The following MIPOL1 variants were observed in gnomAD, a reference collection of about 807,000 sequenced individuals.
MIPOL1 encodes the protein mirror-image polydactyly gene 1 protein.
A neutral mutation model predicts 60.9 loss-of-function variants in MIPOL1; 57 were observed. The observed-to-expected ratio is 0.94, with a 90% CI of 0.76 to 1.17. MIPOL1 has a LOEUF of 1.17. MIPOL1 is among the 50% of genes most tolerant of loss of function. The pLI is 0.00. For synonymous variants in MIPOL1, 179 were observed against 168.8 expected (o/e 1.06, Z -0.47); for missense variants, 551 against 511.6 (o/e 1.08, Z -0.74).
chr14:37,543,321 G>A (rs2095536630), intron 12 of MIPOL1, among the ~76,000 whole-genome samples: 1 of 151,920 alleles, frequency 6.6e-6, no homozygotes, highest in Non-Finnish European at 1.5e-5. Flanking sequence ...TGTTGCCCAG[G>A]CAGGAGAGCA....
chr14:37,213,560 T>C (rs1183213965), intron 1 of MIPOL1, among the ~76,000 whole-genome samples: 1 of 152,002 alleles, frequency 6.6e-6, no homozygotes, highest in African/African-American at 2.4e-5. Context: ...CAATGAAGCA[T>C]GCCTACAGGA....
At chr14:37,328,144 C>T (rs1369619291) in intron 9 of MIPOL1, among the ~76,000 whole-genome samples, 1 of 152,124 alleles carries the variant, frequency 6.6e-6, no homozygotes, top group African/African-American at 2.4e-5. Context: ...TCCCGAGTAG[C>T]TGGGATTACA....
chr14:37,429,922 T>C (rs1474813014), intron 11 of MIPOL1, among the ~76,000 whole-genome samples: 2 of 152,170 alleles, frequency 1.3e-5, no homozygotes, highest in Non-Finnish European at 2.9e-5. Flanking sequence ...GAAAAGTCAC[T>C]GGTGATTATA....
At chr14:37,527,919 G>T (rs1409241380) in intron 12 of MIPOL1, among the ~76,000 whole-genome samples, 1 of 151,754 alleles carries the variant, frequency 6.6e-6, no homozygotes, top group Non-Finnish European at 1.5e-5. Flanking sequence ...AGGCTCATAA[G>T]ATCCTAAAAC....
intron 9 of MIPOL1, among the ~76,000 whole-genome samples, chr14:37,359,216 G>A (rs147947844): frequency 1.8e-3 from 270 of 152,160 alleles, no homozygotes; most frequent in African/African-American, 5.0e-3. Flanking sequence ...TACCAGTACC[G>A]TGCTGTTTTG....
intron 10 of MIPOL1, among the ~76,000 whole-genome samples, chr14:37,372,806 G>A (rs2092677117): frequency 6.6e-6 from 1 of 150,766 alleles, no homozygotes; most frequent in African/African-American, 2.4e-5. Context: ...CTACTTTTAT[G>A]TTTTCTATTT....
intron 12 of MIPOL1, among the ~76,000 whole-genome samples, chr14:37,544,198 C>T (rs1324586608): frequency 6.6e-6 from 1 of 152,126 alleles, no homozygotes; most frequent in Non-Finnish European, 1.5e-5. Context: ...AATACATCAA[C>T]ATTAAAAATA....
At chr14:37,358,490 C>T (rs1287659202) in intron 9 of MIPOL1, among the ~76,000 whole-genome samples, 2 of 152,206 alleles carry the variant, frequency 1.3e-5, no homozygotes, top group South Asian at 2.1e-4. Flanking sequence ...ACATCCTCTC[C>T]AGCATCTGTT....
At chr14:37,389,481 T>C (rs2093172678) in intron 10 of MIPOL1, among the ~76,000 whole-genome samples, 1 of 152,010 alleles carries the variant, frequency 6.6e-6, no homozygotes, top group Non-Finnish European at 1.5e-5. Context: ...TTCCTGACAT[T>C]CTGGTAATCT....
At chr14:37,425,036 G>A (rs1034536381) in intron 11 of MIPOL1, among the ~76,000 whole-genome samples, 1 of 152,180 alleles carries the variant, frequency 6.6e-6, no homozygotes, top group African/African-American at 2.4e-5. Context: ...GTAATAAAGA[G>A]GCAGATATTA....
At chr14:37,376,768 C>A (rs1249691116) in intron 10 of MIPOL1, among the ~76,000 whole-genome samples, 1 of 151,904 alleles carries the variant, frequency 6.6e-6, no homozygotes, top group Non-Finnish European at 1.5e-5. Context: ...TTGTATGGAC[C>A]CAGGTGTTTT....
At chr14:37,201,403 AAAG>A (rs1965321057) in intron 1 of MIPOL1, among the ~76,000 whole-genome samples, 1 of 152,240 alleles carries the variant, frequency 6.6e-6, no homozygotes, top group Non-Finnish European at 1.5e-5. Context: ...GTGAGAAAAG[AAAG>A]AAGAGACAGT....
intron 7 of MIPOL1, among the ~76,000 whole-genome samples, chr14:37,297,606 G>C (rs1264397284): frequency 2.0e-5 from 3 of 152,170 alleles, no homozygotes; most frequent in African/African-American, 7.2e-5. Context: ...CTTCAGCAAA[G>C]TCTCAGGATA....
intron 10 of MIPOL1, among the ~76,000 whole-genome samples, chr14:37,392,439 T>G (rs2093270956): frequency 6.6e-6 from 1 of 152,226 alleles, no homozygotes; most frequent in Non-Finnish European, 1.5e-5. Flanking sequence ...TAAAGATTCC[T>G]TGGGATTTTC....
intron 9 of MIPOL1, among the ~76,000 whole-genome samples, chr14:37,335,338 G>A (rs1214608482): frequency 2.0e-5 from 3 of 151,826 alleles, no homozygotes; most frequent in African/African-American, 7.3e-5. Flanking sequence ...AGTAGTGTTC[G>A]CATCACCATC....
Position 37,540,301 on chromosome 14 carries a change from G to A in MIPOL1, c.1263-6604G>A, listed in dbSNP as rs983279041. On this transcript the variant is annotated intron_variant, in intron 12 of 12. Coordinates refer to ENST00000684589, the MANE Select transcript of MIPOL1 (RefSeq NM_001388067.1). ...TCATTCTTCAGTCTTTTTCAGATAC[G>A]AAGTCTTCTTACCTTTCTCTTATCA... 2.6e-5 allele frequency among the ~76,000 whole-genome samples: 4 copies of A among 151,964 alleles called. No homozygotes were observed. The East Asian group carries it at 5.8e-4, about 22-fold the overall frequency.
chr14:37,497,901 T>G (rs2095156839), intron 11 of MIPOL1, among the ~76,000 whole-genome samples: 1 of 152,202 alleles, frequency 6.6e-6, no homozygotes, highest in African/African-American at 2.4e-5. Flanking sequence ...ATCATTGTAC[T>G]AAATCTGAAA....
intron 11 of MIPOL1, among the ~76,000 whole-genome samples, chr14:37,468,176 G>A (rs943108672): frequency 6.6e-6 from 1 of 151,940 alleles, no homozygotes; most frequent in African/African-American, 2.4e-5. Flanking sequence ...GTGTGTGTGT[G>A]TGTGTGTGCA....
At chr14:37,214,658 C>T (rs1967281036) in intron 1 of MIPOL1, among the ~76,000 whole-genome samples, 1 of 151,998 alleles carries the variant, frequency 6.6e-6, no homozygotes, top group Non-Finnish European at 1.5e-5. Flanking sequence ...CTGGGAAAAG[C>T]CAGGCCATAC....
Sources: allele counts gnomAD v4.1 joint callset (sites outside exome capture counted in the v4.1 genomes callset), GRCh38; gene constraint gnomAD v4.1.1; transcripts MANE v1.5; gene names NCBI Gene and HGNC (gene_info 2026-07-23, HGNC 2026-07-21).